Variants in GPR149 observed in about 807,000 individuals in gnomAD.
GPR149 encodes the protein G protein-coupled receptor 149.
Under a neutral mutation model 50.2 loss-of-function variants are expected in GPR149, and 50 were observed. The ratio of observed to expected loss-of-function variants is 1.00; its 90% confidence interval spans 0.79 to 1.26. The LOEUF (loss-of-function observed/expected upper bound fraction) is 1.26, where lower values mean the gene tolerates loss of function less well. Among genes scored for constraint, GPR149 ranks in the 50% most tolerant of loss-of-function variants. GPR149 has a pLI of 0.00. For missense variants in GPR149, 983 were observed against 895.4 expected, an observed-to-expected ratio of 1.10 and a Z score of -1.25; for synonymous variants, 405 against 358.2, an observed-to-expected ratio of 1.13 and a Z score of -1.48.
intron 3 of GPR149, among the ~76,000 whole-genome samples, chr3:154,400,112 G>T (rs973319288): frequency 3.3e-5 from 5 of 151,788 alleles, no homozygotes; most frequent in Admixed American, 1.3e-4. Context: ...TCAGCCTCCC[G>T]AGTAGCTGGG....
intron 3 of GPR149, among the ~76,000 whole-genome samples, chr3:154,419,779 T>C (rs544902875): frequency 1.3e-5 from 2 of 152,186 alleles, no homozygotes; most frequent in Non-Finnish European, 2.9e-5. Context: ...GTTTACATTA[T>C]TCAGGAGCAA....
At chr3:154,411,923 T>C (rs958167981) in intron 3 of GPR149, among the ~76,000 whole-genome samples, 5 of 152,130 alleles carry the variant, frequency 3.3e-5, no homozygotes, top group Admixed American at 2.6e-4. Flanking sequence ...CTAGTATCCC[T>C]GGTGAACATA....
chr3:154,375,008 T>C (rs1483237088), intron 3 of GPR149, among the ~76,000 whole-genome samples: 2 of 152,200 alleles, frequency 1.3e-5, no homozygotes, highest in Non-Finnish European at 2.9e-5. Context: ...CAGAGGTTTG[T>C]TCCTGAAAAT....
At chr3:154,387,049 C>G (rs1197922917) in intron 3 of GPR149, among the ~76,000 whole-genome samples, 1 of 151,992 alleles carries the variant, frequency 6.6e-6, no homozygotes, top group Admixed American at 6.6e-5. Context: ...CATTTAAAAC[C>G]ATTAACTGAA....
intron 3 of GPR149, among the ~76,000 whole-genome samples, chr3:154,378,647 G>A (rs965175829): frequency 1.3e-5 from 2 of 152,178 alleles, no homozygotes; most frequent in Non-Finnish European, 1.5e-5. Context: ...AACAGGTTGT[G>A]CAATAGTCTG....
At chr3:154,384,483 G>A (rs1576916197) in intron 3 of GPR149, among the ~76,000 whole-genome samples, 1 of 152,136 alleles carries the variant, frequency 6.6e-6, no homozygotes, top group African/African-American at 2.4e-5. Context: ...ACTGGGATGG[G>A]GAAAACTCTA....
chr3:154,388,279 C>A (rs1212814189), intron 3 of GPR149, among the ~76,000 whole-genome samples: 1 of 151,842 alleles, frequency 6.6e-6, no homozygotes. Flanking sequence ...GATGAGTAAA[C>A]AGCAGTATTC....
chr3:154,364,372 C>T (rs1372258372), intron 3 of GPR149, among the ~76,000 whole-genome samples: 1 of 152,176 alleles, frequency 6.6e-6, no homozygotes, highest in Non-Finnish European at 1.5e-5. Context: ...ATACATCATT[C>T]CATTCCAGTA....
At chr3:154,340,518 G>A (rs993922659) in intron 3 of GPR149, among the ~76,000 whole-genome samples, 2 of 152,182 alleles carry the variant, frequency 1.3e-5, no homozygotes, top group Non-Finnish European at 2.9e-5. Flanking sequence ...GCTTGCATTG[G>A]ATGTATGGAG....
At chr3:154,427,987 G>C (rs1044714415) in intron 1 of GPR149, among the ~76,000 whole-genome samples, 7 of 152,172 alleles carry the variant, frequency 4.6e-5, no homozygotes, top group Non-Finnish European at 1.0e-4. Flanking sequence ...ACAACGTGGG[G>C]GACGCTAGCT....
intron 3 of GPR149, among the ~76,000 whole-genome samples, chr3:154,350,750 T>G (rs945701881): frequency 1.3e-5 from 2 of 152,184 alleles, no homozygotes; most frequent in Non-Finnish European, 2.9e-5. Flanking sequence ...AAAAAATAAA[T>G]ACAGTTGATC....
At chr3:154,357,815 A>T (rs1714276108) in intron 3 of GPR149, among the ~76,000 whole-genome samples, 1 of 152,248 alleles carries the variant, frequency 6.6e-6, no homozygotes, top group Admixed American at 6.5e-5. Context: ...ATTATAAATC[A>T]TGCTGCTATA....
rs1712434109 is a variant in GPR149, at chr3:154,429,756, G to A, written c.-141C>T. 8 of 674,462 alleles carry A rather than the reference G, an allele frequency of 1.2e-5. No homozygotes were observed. The South Asian group carries it at 1.5e-4, about 13-fold the overall frequency. 41.8% of individuals were successfully genotyped at this position (674,462 alleles called of 1,614,324 possible). ...TCTCCTTGTCAGTCCTGCAGAAAAT[G>A]GTCAGCCATGTCTCCTTTAGATCTG... is the stretch of plus-strand genomic sequence containing the variant. On this transcript the variant is annotated 5_prime_UTR_variant, in exon 1 of 4. Coordinates refer to ENST00000389740, the MANE Select transcript of GPR149 (RefSeq NM_001038705.3).
At chr3:154,396,569 T>A (rs182657620) in intron 3 of GPR149, among the ~76,000 whole-genome samples, 17 of 152,228 alleles carry the variant, frequency 1.1e-4, no homozygotes, top group African/African-American at 4.1e-4. Flanking sequence ...TGGTAGGGTA[T>A]CATTTTTAGG....
intron 3 of GPR149, among the ~76,000 whole-genome samples, chr3:154,376,318 T>C: frequency 6.6e-6 from 1 of 152,220 alleles, no homozygotes; most frequent in East Asian, 1.9e-4. Flanking sequence ...GACTTCAAGT[T>C]AGTTAAAGAG....
At chr3:154,371,876 A>AC (rs1714673778) in intron 3 of GPR149, among the ~76,000 whole-genome samples, 1 of 152,186 alleles carries the variant, frequency 6.6e-6, no homozygotes, top group African/African-American at 2.4e-5. Flanking sequence ...TTGCATTTTT[A>AC]ACCTCCTTGT....
chr3:154,427,771 T>A lies in GPR149; in HGVS notation c.982-63A>T. On this transcript the variant is annotated intron_variant, in intron 1 of 3. Transcript: ENST00000389740. ...TATACTTTGTACTTCTCAAGCCTTT[T>A]CTCCACGCACGCTGCCTCAGTTCCC... is the stretch of plus-strand genomic sequence containing the variant. 3 of 1,442,722 alleles carry A rather than the reference T, an allele frequency of 2.1e-6. No homozygotes were observed. In the South Asian group the frequency reaches 4.0e-5, roughly 19 times the overall value. The allele number at this position is 1,442,722 out of a possible 1,614,324, so 89.4% of individuals were successfully genotyped here.
At chr3:154,357,870 G>A (rs1313204649) in intron 3 of GPR149, among the ~76,000 whole-genome samples, 4 of 152,278 alleles carry the variant, frequency 2.6e-5, no homozygotes, top group South Asian at 2.1e-4. Context: ...TTTCACAATA[G>A]CAAAGACTTG....
At chr3:154,418,758 A>AC (rs1230544148) in intron 3 of GPR149, among the ~76,000 whole-genome samples, 1 of 151,534 alleles carries the variant, frequency 6.6e-6, no homozygotes, top group African/African-American at 2.4e-5. Flanking sequence ...TGGCACATGT[A>AC]TACATATGTA....
Sources: allele counts gnomAD v4.1 joint callset (sites outside exome capture counted in the v4.1 genomes callset), GRCh38; gene constraint gnomAD v4.1.1; transcripts MANE v1.5; gene names NCBI Gene and HGNC (gene_info 2026-07-23, HGNC 2026-07-21).